KATNIP: variants seen among roughly 807,000 people sequenced by gnomAD.
KATNIP encodes katanin interacting protein, also known as katanin-interacting protein.
Under a neutral mutation model 174.0 loss-of-function variants are expected in KATNIP, and 126 were observed. The observed-to-expected ratio is 0.72, with a 90% CI of 0.63 to 0.84. The LOEUF is 0.84. Among genes scored for constraint, KATNIP ranks in the 40% least tolerant of loss-of-function variants. The pLI is 0.00. For missense variants in KATNIP, 1,958 were observed against 2,109.7 expected, an observed-to-expected ratio of 0.93 and a Z score of 1.41; for synonymous variants, 810 against 835.7, an observed-to-expected ratio of 0.97 and a Z score of 0.53.
At chr16:27,569,052 T>C (rs1033065694) in intron 1 of KATNIP, among the ~76,000 whole-genome samples, 2 of 152,232 alleles carry the variant, frequency 1.3e-5, no homozygotes, top group African/African-American at 4.8e-5. Flanking sequence ...TATATATTTT[T>C]ATCATGTACT....
chr16:27,566,799 G>A (rs973095157), intron 1 of KATNIP, among the ~76,000 whole-genome samples: 13 of 152,172 alleles, frequency 8.5e-5, no homozygotes, highest in African/African-American at 3.1e-4. Flanking sequence ...ATCACCCGGG[G>A]AAGAAGCTGA....
intron 2 of KATNIP, among the ~76,000 whole-genome samples, chr16:27,593,948 G>T (rs1233550237): frequency 6.6e-6 from 1 of 152,118 alleles, no homozygotes. Context: ...TCAGTGCTGT[G>T]ACCTTGTGGC....
At chr16:27,639,789 G>A (rs377763472) in intron 5 of KATNIP, among the ~76,000 whole-genome samples, 10 of 152,202 alleles carry the variant, frequency 6.6e-5, no homozygotes, top group East Asian at 1.9e-4. Flanking sequence ...GAAACAAGCC[G>A]TAAAGCATTG....
intron 13 of KATNIP, among the ~76,000 whole-genome samples, chr16:27,713,037 GC>G (rs1244325025): frequency 6.6e-6 from 1 of 151,972 alleles, no homozygotes; most frequent in East Asian, 1.9e-4. Context: ...CGATCTCCTG[GC>G]CTCAAGCAAT....
At chr16:27,772,506 G>A (rs769077085) in intron 22 of KATNIP, among the ~76,000 whole-genome samples, 1 of 152,198 alleles carries the variant, frequency 6.6e-6, no homozygotes, top group Non-Finnish European at 1.5e-5. Flanking sequence ...CAGAGCACAG[G>A]GCTGAGGAAA....
At chr16:27,716,388 T>C (rs1271044532) in intron 13 of KATNIP, among the ~76,000 whole-genome samples, 2 of 152,002 alleles carry the variant, frequency 1.3e-5, no homozygotes, top group Non-Finnish European at 2.9e-5. Flanking sequence ...ATGGTAATGG[T>C]TGAAAAACCT....
At chr16:27,617,903 A>G (rs2076087937) in intron 2 of KATNIP, among the ~76,000 whole-genome samples, 1 of 152,090 alleles carries the variant, frequency 6.6e-6, no homozygotes. Flanking sequence ...AGGCCTGGCT[A>G]ATTTTTAAAT....
intron 8 of KATNIP, among the ~76,000 whole-genome samples, chr16:27,695,486 C>T (rs1351353975): frequency 1.3e-5 from 2 of 152,246 alleles, no homozygotes; most frequent in East Asian, 3.8e-4. Context: ...CTCTGCGAGG[C>T]TCTCTCTGCC....
chr16:27,586,384 G>A (rs2090897711), intron 2 of KATNIP, among the ~76,000 whole-genome samples: 1 of 152,056 alleles, frequency 6.6e-6, no homozygotes, highest in Admixed American at 6.6e-5. Flanking sequence ...TAGGCAGGAG[G>A]ATCACTTGAG....
rs775856599 is a variant in KATNIP, at chr16:27,708,834, A to G, written c.1519A>G (p.Lys507Glu). The change falls in exon 13 of 28, where the codon AAG becomes GAG. Residue 507 changes from lysine (K) to glutamate (E), a missense_variant. Physicochemically the swap from Lys to Glu is moderately conservative, Grantham distance 56. Around this residue, in one of 3 missense-constraint regions of KATNIP, gnomAD observed 1,557 missense variants for 1,617.8 expected, o/e 0.96. Transcript: ENST00000261588. ...CGAGTTCTTTGACTTGAATGACACA[A>G]AGCTTTATGTGTCGCCCCACGATGT... ...EVEFFDLNDTKLYVSPHDVDI... is the reference protein window; with the variant it reads ...EVEFFDLNDTELYVSPHDVDI... 138 of 1,613,906 alleles carry G rather than the reference A, an allele frequency of 8.6e-5. 1 individual carries two copies. The South Asian group carries it at 1.4e-3, about 16-fold the overall frequency.
At chr16:27,648,869 C>A (rs2077040753) in intron 6 of KATNIP, 134 bp downstream of exon 6, 2 of 1,076,736 alleles carry the variant, frequency 1.9e-6, no homozygotes, top group African/African-American at 1.6e-5. Flanking sequence ...TTCACTCTTG[C>A]GTTCATTTCA....
At chr16:27,609,276 G>A (rs1317720532) in intron 2 of KATNIP, among the ~76,000 whole-genome samples, 1 of 151,926 alleles carries the variant, frequency 6.6e-6, no homozygotes, top group African/African-American at 2.4e-5. Context: ...GTTAGTGCAG[G>A]GAGGGACACA....
intron 3 of KATNIP, among the ~76,000 whole-genome samples, chr16:27,625,494 C>A (rs2076306903): frequency 6.6e-6 from 1 of 152,228 alleles, no homozygotes; most frequent in Admixed American, 6.5e-5. Context: ...TTTGCTCTTG[C>A]AAGCGTAGCT....
rs1207199991 is a variant in KATNIP at position 27,776,164 on chromosome 16, A to G, written c.4450-764A>G. ...CCTTTATTGTTTCCATGGTCCAGCC[A>G]GGAGGCTGGCCCTACCCGAGCAGCC... On this transcript the variant is annotated intron_variant, in intron 24 of 27. Coordinates refer to ENST00000261588, the MANE Select transcript of KATNIP (RefSeq NM_015202.5). This position sits in a 1 kb window ranked among gnomAD's most constrained non-coding sequence, Gnocchi z 4.7. Among the ~76,000 whole-genome samples, 2 of 152,174 alleles carry G rather than the reference A, an allele frequency of 1.3e-5. No individual in the cohort carries two copies. Among genetic ancestry groups the G allele is most frequent in the African/African-American group, 2.4e-5 (1 of 41,448 alleles).
chr16:27,601,175 C>T (rs1461653174), intron 2 of KATNIP, among the ~76,000 whole-genome samples: 2 of 152,180 alleles, frequency 1.3e-5, no homozygotes, highest in Non-Finnish European at 2.9e-5. Context: ...TTCCTTTCTG[C>T]AAATCCTTTA....
intron 1 of KATNIP, among the ~76,000 whole-genome samples, chr16:27,557,557 A>G (rs957274711): frequency 2.6e-5 from 4 of 151,306 alleles, no homozygotes; most frequent in African/African-American, 9.7e-5. Context: ...CTGTCCAAGT[A>G]GCTGGGACTA....
chr16:27,767,690 G>A (rs2082170379), intron 20 of KATNIP, among the ~76,000 whole-genome samples: 1 of 152,158 alleles, frequency 6.6e-6, no homozygotes, highest in African/African-American at 2.4e-5. Flanking sequence ...TAGCCTGGGT[G>A]ACAGAGCAAG....
chr16:27,630,537 A>G (rs935160287), intron 4 of KATNIP, among the ~76,000 whole-genome samples: 7 of 152,202 alleles, frequency 4.6e-5, no homozygotes, highest in Non-Finnish European at 1.0e-4. Flanking sequence ...AAAGAGGGAA[A>G]CCAGTGGCTC....
intron 2 of KATNIP, among the ~76,000 whole-genome samples, chr16:27,602,097 T>G (rs1596875910): frequency 6.6e-6 from 1 of 152,118 alleles, no homozygotes; most frequent in Non-Finnish European, 1.5e-5. Flanking sequence ...CGAAAGCAGC[T>G]TGTCTCTTCT....
Sources: gnomAD v4.1 joint callset for allele counts (sites outside exome capture counted in the v4.1 genomes callset) on GRCh38, gnomAD v4.1.1 for gene constraint, gnomAD v4.1.1 regional missense constraint, Gnocchi (gnomAD v3.1) non-coding constraint, MANE v1.5 for transcripts, NCBI Gene and HGNC (gene_info 2026-07-23, HGNC 2026-07-21) for gene names.